Variants in HDAC4 observed in about 807,000 individuals in gnomAD.
HDAC4 encodes histone deacetylase 4, also known as histone deacetylase A.
In HDAC4, 16 loss-of-function variants were observed where a neutral mutation model predicts 135.1. The ratio of observed to expected loss-of-function variants is 0.12; its 90% CI spans 0.08 to 0.18. The LOEUF (loss-of-function observed/expected upper bound fraction) is 0.18. HDAC4 is among the 10% of genes least tolerant of loss of function. The pLI, the probability that HDAC4 is intolerant of heterozygous loss-of-function variation, is 1.00. For missense variants in HDAC4, 1,143 were observed against 1,511.8 expected, an observed-to-expected ratio of 0.76 and a Z score of 4.05; for synonymous variants, 685 against 653.4, an observed-to-expected ratio of 1.05 and a Z score of -0.74.
chr2:239,252,512 T>C (rs2048839286), intron 2 of HDAC4, among the ~76,000 whole-genome samples: 1 of 152,324 alleles, frequency 6.6e-6, no homozygotes, highest in Non-Finnish European at 1.5e-5. Flanking sequence ...TTCTCAGGTT[T>C]TAGCAGAAAG....
intron 11 of HDAC4, among the ~76,000 whole-genome samples, chr2:239,133,874 C>G (rs1374270006): frequency 6.6e-6 from 1 of 152,182 alleles, no homozygotes; most frequent in Non-Finnish European, 1.5e-5. Flanking sequence ...TGTAACCACT[C>G]CCCCAGACAG....
intron 24 of HDAC4, among the ~76,000 whole-genome samples, chr2:239,058,895 C>T (rs2032262198): frequency 6.6e-6 from 1 of 152,162 alleles, no homozygotes; most frequent in Non-Finnish European, 1.5e-5. Flanking sequence ...CTCTGGGAAA[C>T]AGACGGAGAG....
intron 7 of HDAC4, among the ~76,000 whole-genome samples, chr2:239,150,168 T>C (rs2042019361): frequency 6.6e-6 from 1 of 152,074 alleles, no homozygotes; most frequent in Admixed American, 6.5e-5. Context: ...GGTATTTTTG[T>C]TAACAAGACA....
intron 2 of HDAC4, among the ~76,000 whole-genome samples, chr2:239,239,608 G>A (rs1168482658): frequency 6.6e-6 from 1 of 152,160 alleles, no homozygotes; most frequent in Non-Finnish European, 1.5e-5. Context: ...CTCCCTGCCA[G>A]GAACGAGGAC....
At chr2:239,102,370 C>T (rs972742458) in intron 16 of HDAC4, among the ~76,000 whole-genome samples, 2 of 152,230 alleles carry the variant, frequency 1.3e-5, no homozygotes, top group African/African-American at 4.8e-5. Context: ...AAGACACCAG[C>T]AGCCTTTCAC....
intron 2 of HDAC4, among the ~76,000 whole-genome samples, chr2:239,348,154 C>T (rs1352033035): frequency 6.6e-6 from 1 of 151,182 alleles, no homozygotes; most frequent in African/African-American, 2.4e-5. Context: ...ATCCACGTCC[C>T]AGCAAATGCA....
In HDAC4 at chr2:239,184,019, G is replaced by GAC. The variant is rs147289954; in HGVS notation, c.339+5812_339+5813dup. Among the ~76,000 whole-genome samples, 452 of 124,040 alleles carry GAC rather than the reference G, an allele frequency of 3.6e-3. 2 individuals carry two copies. Among genetic ancestry groups the GAC allele is most frequent in the African/African-American group, 0.013 (413 of 32,836 alleles). The allele number at this position is 124,040 out of a possible 152,430, so 81.4% of individuals were successfully genotyped here. ...TGCTCTCCATAGCACAAGTCACATG[G>GAC]ACACACACACACACACAAGCACACG... On this transcript the variant is annotated intron_variant, in intron 4 of 26. Transcript: ENST00000543185.
intron 1 of HDAC4, among the ~76,000 whole-genome samples, chr2:239,391,352 G>A (rs1273730676): frequency 6.6e-6 from 1 of 152,140 alleles, no homozygotes; most frequent in African/African-American, 2.4e-5. Context: ...GGTCCTTCGG[G>A]GAGACGTCCA....
intron 3 of HDAC4, among the ~76,000 whole-genome samples, chr2:239,213,076 G>A (rs538997429): frequency 1.3e-5 from 2 of 152,208 alleles, no homozygotes; most frequent in Admixed American, 6.5e-5. Context: ...AGCTGGAGGA[G>A]GTGTGGCATC....
intron 18 of HDAC4, chr2:239,089,679 T>C (rs1156840629): frequency 3.5e-6 from 1 of 289,058 alleles, no homozygotes; most frequent in African/African-American, 2.2e-5. Context: ...TAATCTCTAA[T>C]AGAGTCAATA....
intron 9 of HDAC4, among the ~76,000 whole-genome samples, chr2:239,135,381 G>GA (rs1302470432): frequency 6.6e-6 from 1 of 152,220 alleles, no homozygotes; most frequent in Non-Finnish European, 1.5e-5. Context: ...CTAACAGTGA[G>GA]AAAAGCACGC....
chr2:239,148,995 GAC>G (rs2041938430), intron 7 of HDAC4, among the ~76,000 whole-genome samples: 1 of 152,260 alleles, frequency 6.6e-6, no homozygotes, highest in South Asian at 2.1e-4. Flanking sequence ...CTGTGAACGT[GAC>G]ACACGCTGTA....
intron 6 of HDAC4, among the ~76,000 whole-genome samples, chr2:239,163,208 A>G (rs1359896736): frequency 1.3e-5 from 2 of 152,216 alleles, no homozygotes; most frequent in Non-Finnish European, 2.9e-5. Flanking sequence ...ATAAAATAAT[A>G]GAAGTACCAC....
chr2:239,342,349 C>G (rs1045676941), intron 2 of HDAC4, among the ~76,000 whole-genome samples: 1 of 151,898 alleles, frequency 6.6e-6, no homozygotes, highest in Admixed American at 6.6e-5. Context: ...TAATTTGAAC[C>G]TTTGAGAATG....
intron 3 of HDAC4, among the ~76,000 whole-genome samples, chr2:239,198,582 G>A (rs977854003): frequency 6.6e-6 from 1 of 152,164 alleles, no homozygotes; most frequent in Non-Finnish European, 1.5e-5. Flanking sequence ...AGTCGCTGGA[G>A]AGCACCCCTT....
At chr2:239,082,422 G>A (rs768191369) in intron 20 of HDAC4, among the ~76,000 whole-genome samples, 2 of 152,222 alleles carry the variant, frequency 1.3e-5, no homozygotes, top group African/African-American at 2.4e-5. Flanking sequence ...GGGTCGCAGG[G>A]GTTCTAAGGG....
intron 1 of HDAC4, among the ~76,000 whole-genome samples, chr2:239,387,880 G>C (rs1251239645): frequency 6.6e-6 from 1 of 152,170 alleles, no homozygotes; most frequent in Non-Finnish European, 1.5e-5. Flanking sequence ...GGGCACTAAG[G>C]GGAGTGGAAG....
rs545792784 is a variant in HDAC4 at position 239,334,745 on chromosome 2, G to A, written c.22+17933C>T. ...TGATTTTAAAATTCATATGGAGGCC[G>A]GGCGTGGTGGCTCATGCCTGTAATC... On this transcript the variant is annotated intron_variant, in intron 2 of 26. Transcript: ENST00000543185. 2.8e-4 allele frequency among the ~76,000 whole-genome samples: 43 copies of A among 151,564 alleles called. No individual in the cohort carries two copies. In the South Asian group the frequency reaches 5.4e-3, roughly 19 times the overall value.
At chr2:239,254,734 A>G (rs1432639748) in intron 2 of HDAC4, among the ~76,000 whole-genome samples, 1 of 151,806 alleles carries the variant, frequency 6.6e-6, no homozygotes, top group Non-Finnish European at 1.5e-5. Context: ...ATTAAAACAG[A>G]TAACGAATGA....
Sources: gnomAD v4.1 joint callset for allele counts (sites outside exome capture counted in the v4.1 genomes callset) on GRCh38, gnomAD v4.1.1 for gene constraint, MANE v1.5 for transcripts, NCBI Gene and HGNC (gene_info 2026-07-23, HGNC 2026-07-21) for gene names.